The following GRIK2 variants were observed in gnomAD, a reference collection of about 807,000 sequenced individuals.
The protein encoded by GRIK2 is glutamate ionotropic receptor kainate type subunit 2.
In GRIK2, 32 loss-of-function variants were observed where a neutral mutation model predicts 100.3. That is an observed-to-expected ratio of 0.32 (90% CI 0.24 to 0.43). The LOEUF is 0.43. Among genes scored for constraint, GRIK2 ranks in the 20% least tolerant of loss-of-function variants. The pLI is 1.00. For synonymous variants in GRIK2, 417 were observed against 389.4 expected (o/e 1.07, Z -0.83); for missense variants, 843 against 1,114.9 (o/e 0.76, Z 3.47).
intron 15 of GRIK2, among the ~76,000 whole-genome samples, chr6:102,053,091 A>ACACAC (rs1554197944): frequency 6.7e-6 from 1 of 149,262 alleles, no homozygotes. Flanking sequence ...CAACAACAAC[A>ACACAC]ACACACACAC....
chr6:101,574,468 CT>C lies in GRIK2; in HGVS notation c.116-47473del, dbSNP rs947503613. Among the ~76,000 whole-genome samples the C allele has an allele frequency of 1.2e-4, 18 of 149,960 alleles. No individual in the cohort carries two copies. The East Asian group carries it at 1.8e-3, about 15-fold the overall frequency. On this transcript the variant is annotated intron_variant, in intron 2 of 16. Coordinates refer to ENST00000369134, the MANE Select transcript of GRIK2 (RefSeq NM_021956.5). ...AGAGCACTAATGTAAGATTTTAACC[CT>C]TTTTTTTAAGAAGGAAAAACAAACA...
chr6:101,975,809 G>GTCTGTCTA lies in GRIK2; in HGVS notation c.2085+47180_2085+47181insGTCTATCT, dbSNP rs141650149. 5.9e-3 allele frequency among the ~76,000 whole-genome samples: 873 copies of GTCTGTCTA among 147,510 alleles called. 4 individuals carry two copies. Among genetic ancestry groups the GTCTGTCTA allele is most frequent in the Middle Eastern group, 0.034 (10 of 292 alleles). On this transcript the variant is annotated intron_variant, in intron 14 of 16. Transcript: ENST00000369134. Reference sequence around the variant, plus strand: ...TGTCTGTCTGTCTATCTATCTATCTGTCTATCTATCTATCTATCTATCTAT... The same window carrying GTCTGTCTA: ...TGTCTGTCTGTCTATCTATCTATCTGTCTGTCTATCTATCTATCTATCTATCTATCTAT...
chr6:101,915,261 A>G (rs959320526), intron 12 of GRIK2, among the ~76,000 whole-genome samples: 10 of 151,482 alleles, frequency 6.6e-5, no homozygotes, highest in African/African-American at 2.4e-4. Flanking sequence ...ATAGCAACTG[A>G]TAACAGAATA....
At chr6:101,594,584 G>T (rs1778819788) in intron 2 of GRIK2, among the ~76,000 whole-genome samples, 1 of 151,744 alleles carries the variant, frequency 6.6e-6, no homozygotes, top group African/African-American at 2.4e-5. Flanking sequence ...GAAACAAAAT[G>T]AGTATAGAGT....
intron 10 of GRIK2, among the ~76,000 whole-genome samples, chr6:101,825,773 C>T (rs1185512186): frequency 1.3e-5 from 2 of 151,992 alleles, no homozygotes; most frequent in African/African-American, 2.4e-5. Context: ...ATTTTGAATT[C>T]AGCTCAGCCA....
At chr6:101,681,229 G>A (rs986560579) in intron 5 of GRIK2, among the ~76,000 whole-genome samples, 3 of 151,944 alleles carry the variant, frequency 2.0e-5, no homozygotes, top group Non-Finnish European at 2.9e-5. Flanking sequence ...GGGTAAATGG[G>A]ATATCCATCA....
intron 2 of GRIK2, among the ~76,000 whole-genome samples, chr6:101,583,452 C>T (rs1373494114): frequency 1.3e-5 from 2 of 152,068 alleles, no homozygotes; most frequent in Admixed American, 1.3e-4. Flanking sequence ...CCATGTGTAG[C>T]TACATTATAA....
intron 14 of GRIK2, among the ~76,000 whole-genome samples, chr6:102,034,372 T>A (rs1350293186): frequency 6.6e-6 from 1 of 151,378 alleles, no homozygotes; most frequent in Non-Finnish European, 1.5e-5. Flanking sequence ...GTAAAAAATA[T>A]TCCATATCTA....
At chr6:101,657,013 A>G (rs1244960921) in intron 4 of GRIK2, among the ~76,000 whole-genome samples, 1 of 152,204 alleles carries the variant, frequency 6.6e-6, no homozygotes, top group African/African-American at 2.4e-5. Context: ...AATATCCCAG[A>G]TATCAGTGTT....
intron 2 of GRIK2, among the ~76,000 whole-genome samples, chr6:101,479,101 T>TA (rs1247422240): frequency 1.3e-5 from 2 of 152,184 alleles, no homozygotes; most frequent in Non-Finnish European, 2.9e-5. Flanking sequence ...ATTTTGGTTT[T>TA]AAAAACTTGG....
chr6:101,627,188 C>G (rs1780505412), intron 4 of GRIK2, among the ~76,000 whole-genome samples: 1 of 151,744 alleles, frequency 6.6e-6, no homozygotes, highest in Non-Finnish European at 1.5e-5. Flanking sequence ...GTCGCCCAGG[C>G]TGGCATACAA....
At chr6:101,700,238 AATAATTGTT>A (rs1772790963) in intron 7 of GRIK2, among the ~76,000 whole-genome samples, 1 of 151,770 alleles carries the variant, frequency 6.6e-6, no homozygotes, top group Non-Finnish European at 1.5e-5. Context: ...TAATAATAAT[AATAATTGTT>A]ATTGTTATTA....
chr6:101,638,227 C>G (rs1781116589), intron 4 of GRIK2, among the ~76,000 whole-genome samples: 3 of 149,176 alleles, frequency 2.0e-5, no homozygotes, highest in African/African-American at 7.4e-5. Flanking sequence ...TATCAAGTAT[C>G]TAGTATGTGT....
At chr6:101,806,401 C>A (rs1188104225) in intron 9 of GRIK2, among the ~76,000 whole-genome samples, 2 of 152,058 alleles carry the variant, frequency 1.3e-5, no homozygotes, top group African/African-American at 2.4e-5. Flanking sequence ...AACTGTACAA[C>A]TACATTGGAA....
intron 10 of GRIK2, among the ~76,000 whole-genome samples, chr6:101,841,354 G>C (rs1425007760): frequency 6.7e-6 from 1 of 148,718 alleles, no homozygotes; most frequent in Non-Finnish European, 1.5e-5. Flanking sequence ...CGTGCATTGT[G>C]AATATCTCAG....
chr6:101,626,181 T>A (rs1220306903), intron 3 of GRIK2, among the ~76,000 whole-genome samples, 199 bp from the exon 4 acceptor site: 1 of 152,060 alleles, frequency 6.6e-6, no homozygotes. Context: ...AGCTGCAGGG[T>A]GAGTTAATTC....
At chr6:101,956,363 T>G (rs1277993228) in intron 14 of GRIK2, among the ~76,000 whole-genome samples, 1 of 152,172 alleles carries the variant, frequency 6.6e-6, no homozygotes, top group Non-Finnish European at 1.5e-5. Flanking sequence ...TTATGTCTTT[T>G]GATCCACGAA....
chr6:101,658,566 C>T lies in GRIK2; in HGVS notation c.542-18057C>T, dbSNP rs370243661. 5.5e-5 allele frequency among the ~76,000 whole-genome samples: 8 copies of T among 145,598 alleles called. No individual in the cohort carries two copies. The East Asian group carries it at 6.0e-4, about 11-fold the overall frequency. ...TGATTTATAATCCTTTGGGTATATACTCAGTAGTGGGATTGCTGGATCAAA... is the reference window on the plus strand; with the variant it reads ...TGATTTATAATCCTTTGGGTATATATTCAGTAGTGGGATTGCTGGATCAAA... On this transcript the variant is annotated intron_variant, in intron 4 of 16. Coordinates refer to ENST00000369134, the MANE Select transcript of GRIK2 (RefSeq NM_021956.5).
At chr6:101,870,385 T>G (rs1785332103) in intron 11 of GRIK2, among the ~76,000 whole-genome samples, 1 of 151,858 alleles carries the variant, frequency 6.6e-6, no homozygotes, top group East Asian at 1.9e-4. Context: ...TCCAATTCAA[T>G]GTATAAAACT....
Sources: allele counts gnomAD v4.1 joint callset (sites outside exome capture counted in the v4.1 genomes callset), GRCh38; gene constraint gnomAD v4.1.1; transcripts MANE v1.5; gene names NCBI Gene and HGNC (gene_info 2026-07-23, HGNC 2026-07-21).